The following UBTD1 variants were observed in gnomAD, a reference collection of about 807,000 sequenced individuals.
The protein encoded by UBTD1 is ubiquitin domain-containing protein 1.
In UBTD1, 19 loss-of-function variants were observed where a neutral mutation model predicts 21.7. The observed-to-expected ratio is 0.87, with a 90% CI of 0.61 to 1.28. The LOEUF (loss-of-function observed/expected upper bound fraction) is 1.28. Ranked by LOEUF, UBTD1 falls within the 50% of genes most tolerant of loss-of-function variation. The probability of loss-of-function intolerance (pLI) is 0.00; values close to 1 mark genes in which losing one functional copy is unlikely to be tolerated. For synonymous variants in UBTD1, 116 were observed against 135.1 expected (o/e 0.86, Z 0.98); for missense variants, 282 against 315.1 (o/e 0.89, Z 0.80).
chr10:97,506,234 CT>C (rs2040399145), intron 1 of UBTD1, among the ~76,000 whole-genome samples: 1 of 152,228 alleles, frequency 6.6e-6, no homozygotes, highest in Non-Finnish European at 1.5e-5. Context: ...AACACTGGCA[CT>C]GCAGGAAGGC....
intron 1 of UBTD1, among the ~76,000 whole-genome samples, chr10:97,510,975 T>C (rs1264684344): frequency 6.6e-6 from 1 of 152,124 alleles, no homozygotes; most frequent in Non-Finnish European, 1.5e-5. Flanking sequence ...CTGTTTGTGG[T>C]GGCCCATCTT....
At chr10:97,569,929 A>G (rs1261941924) in intron 2 of UBTD1, among the ~76,000 whole-genome samples, 3 of 152,092 alleles carry the variant, frequency 2.0e-5, no homozygotes, top group African/African-American at 7.2e-5. Context: ...AAAAAAAAAA[A>G]AAGGACCATT....
intron 1 of UBTD1, among the ~76,000 whole-genome samples, chr10:97,563,105 G>T (rs528594986): frequency 7.0e-4 from 107 of 152,188 alleles, no homozygotes; most frequent in Admixed American, 2.7e-3. Flanking sequence ...GCCTGGATGT[G>T]GTTTTGTATG....
chr10:97,567,011 T>C (rs1370447641), intron 1 of UBTD1, among the ~76,000 whole-genome samples: 1 of 152,124 alleles, frequency 6.6e-6, no homozygotes, highest in Non-Finnish European at 1.5e-5. Flanking sequence ...AGTTTGTTGG[T>C]CATGATTGCT....
intron 1 of UBTD1, among the ~76,000 whole-genome samples, chr10:97,502,123 G>A (rs919473805): frequency 3.9e-5 from 6 of 152,018 alleles, no homozygotes; most frequent in African/African-American, 1.5e-4. Flanking sequence ...GTAGCACTCA[G>A]TATTTGTTGA....
At chr10:97,523,855 G>A (rs2040476485) in intron 1 of UBTD1, among the ~76,000 whole-genome samples, 2 of 152,098 alleles carry the variant, frequency 1.3e-5, no homozygotes, top group South Asian at 2.1e-4. Context: ...AAGACCCGAC[G>A]TCCCTTGTTC....
intron 1 of UBTD1, among the ~76,000 whole-genome samples, chr10:97,537,187 GT>G (rs1424956116): frequency 3.3e-5 from 5 of 152,118 alleles, no homozygotes; most frequent in Admixed American, 3.3e-4. Context: ...AACACAGTGG[GT>G]ACGCAGGAAT....
intron 1 of UBTD1, among the ~76,000 whole-genome samples, chr10:97,537,191 G>A (rs759975221): frequency 3.1e-4 from 47 of 152,138 alleles, no homozygotes; most frequent in Non-Finnish European, 6.3e-4. Context: ...CAGTGGGTAC[G>A]CAGGAATTGT....
chr10:97,520,771 A>G (rs2040463642), intron 1 of UBTD1, among the ~76,000 whole-genome samples: 1 of 152,138 alleles, frequency 6.6e-6, no homozygotes, highest in Non-Finnish European at 1.5e-5. Context: ...GGAGAGAGAA[A>G]GGGAAATAAG....
chr10:97,521,430 G>A lies in UBTD1; in HGVS notation c.70+22157G>A, dbSNP rs568276949. Among the ~76,000 whole-genome samples, 275 of 152,314 alleles carry A rather than the reference G, an allele frequency of 1.8e-3. 1 individual carries two copies. Among genetic ancestry groups the A allele is most frequent in the African/African-American group, 6.3e-3 (264 of 41,584 alleles). ...AAGGAGAGTGGTCTGACGTGGGAACGGGCTGCCTCTGAGAGCCCAGCCTCC... is the reference window on the plus strand; with the variant it reads ...AAGGAGAGTGGTCTGACGTGGGAACAGGCTGCCTCTGAGAGCCCAGCCTCC... On this transcript the variant is annotated intron_variant, in intron 1 of 2. Transcript: ENST00000370664.
At chr10:97,534,135 C>T (rs1589875364) in intron 1 of UBTD1, among the ~76,000 whole-genome samples, 1 of 152,148 alleles carries the variant, frequency 6.6e-6, no homozygotes, top group East Asian at 1.9e-4. Flanking sequence ...GCCAAGGGTT[C>T]CACTGGTTTC....
chr10:97,499,644 G>A (rs993804385), intron 1 of UBTD1, among the ~76,000 whole-genome samples: 1 of 152,278 alleles, frequency 6.6e-6, no homozygotes. Context: ...GGCACGGCGC[G>A]GGCAGCCAGG....
At chr10:97,501,812 C>T (rs989790656) in intron 1 of UBTD1, among the ~76,000 whole-genome samples, 9 of 152,056 alleles carry the variant, frequency 5.9e-5, no homozygotes, top group Admixed American at 2.6e-4. Flanking sequence ...TTTCAAGTGC[C>T]GTGCCTTGTT....
intron 1 of UBTD1, among the ~76,000 whole-genome samples, chr10:97,548,231 C>G (rs1589879892): frequency 6.6e-6 from 1 of 152,218 alleles, no homozygotes; most frequent in Non-Finnish European, 1.5e-5. Context: ...TATCCATGAT[C>G]CAGGTTGCCA....
chr10:97,530,230 G>GGATGAATC (rs1270730943), intron 1 of UBTD1, among the ~76,000 whole-genome samples: 15 of 152,198 alleles, frequency 9.9e-5, no homozygotes, highest in Non-Finnish European at 2.9e-5. Flanking sequence ...ATGAATGGAT[G>GGATGAATC]GATGAATCGA....
intron 1 of UBTD1, among the ~76,000 whole-genome samples, chr10:97,533,898 G>A (rs1200602363): frequency 6.7e-6 from 1 of 149,818 alleles, no homozygotes; most frequent in East Asian, 2.0e-4. Context: ...ACTGAAGCCT[G>A]CGTGACAAAG....
intron 1 of UBTD1, among the ~76,000 whole-genome samples, chr10:97,562,445 T>C (rs1188365288): frequency 6.6e-6 from 1 of 152,110 alleles, no homozygotes; most frequent in African/African-American, 2.4e-5. Context: ...AGGTTTGGGA[T>C]AGGTGGTGGA....
At chr10:97,566,472 T>G (rs2040717504) in intron 1 of UBTD1, among the ~76,000 whole-genome samples, 1 of 152,218 alleles carries the variant, frequency 6.6e-6, no homozygotes, top group Non-Finnish European at 1.5e-5. Flanking sequence ...TGAATTCAGA[T>G]GGTGAACTAC....
intron 1 of UBTD1, among the ~76,000 whole-genome samples, chr10:97,534,359 G>A (rs754237219): frequency 2.0e-5 from 3 of 152,152 alleles, no homozygotes; most frequent in East Asian, 3.8e-4. Context: ...GGTACAATTC[G>A]CACAAAGCGG....
Sources: allele counts gnomAD v4.1 joint callset (sites outside exome capture counted in the v4.1 genomes callset), GRCh38; gene constraint gnomAD v4.1.1; transcripts MANE v1.5; gene names NCBI Gene and HGNC (gene_info 2026-07-23, HGNC 2026-07-21).